ENPEP: variants seen among roughly 807,000 people sequenced by gnomAD.
ENPEP encodes the protein AP-A.
ENPEP carries 103 observed loss-of-function variants against 114.5 expected under a neutral mutation model. The observed-to-expected ratio is 0.90, with a 90% confidence interval of 0.77 to 1.06. ENPEP has a LOEUF of 1.06. Ranked by LOEUF, ENPEP falls within the 50% of genes least tolerant of loss-of-function variation. The probability of loss-of-function intolerance (pLI) is 0.00; values close to 1 mark genes in which losing one functional copy is unlikely to be tolerated. For synonymous variants in ENPEP, 420 were observed against 422.0 expected, an observed-to-expected ratio of 1.00 and a Z score of 0.06; for missense variants, 1,196 against 1,161.3, an observed-to-expected ratio of 1.03 and a Z score of -0.43.
intron 3 of ENPEP, among the ~76,000 whole-genome samples, chr4:110,502,896 G>T (rs997426145): frequency 4.0e-5 from 6 of 151,768 alleles, no homozygotes; most frequent in Admixed American, 6.6e-5. Flanking sequence ...CTTCTTATTC[G>T]ATGTTTTCTT....
At chr4:110,481,375 G>A (rs944343402) in intron 1 of ENPEP, among the ~76,000 whole-genome samples, 8 of 151,714 alleles carry the variant, frequency 5.3e-5, no homozygotes, top group African/African-American at 1.9e-4. Flanking sequence ...GGGATTACAG[G>A]GTTTTCAGAG....
intron 3 of ENPEP, among the ~76,000 whole-genome samples, chr4:110,492,642 C>T (rs572343461): frequency 2.0e-5 from 3 of 152,050 alleles, no homozygotes; most frequent in Admixed American, 6.5e-5. Context: ...AACCTTCAGT[C>T]GTGGTAAAGG....
intron 11 of ENPEP, among the ~76,000 whole-genome samples, chr4:110,542,116 T>C (rs1439556676): frequency 6.6e-6 from 1 of 152,074 alleles, no homozygotes; most frequent in Non-Finnish European, 1.5e-5. Context: ...CAAAGATAAA[T>C]AAATTGGAAG....
chr4:110,511,162 A>G (rs541355015), intron 6 of ENPEP, among the ~76,000 whole-genome samples: 3 of 152,338 alleles, frequency 2.0e-5, no homozygotes, highest in Admixed American at 6.5e-5. Context: ...TGGACAGAAC[A>G]AAAAAGTTAA....
At chr4:110,511,903 A>G (rs954389556) in intron 6 of ENPEP, among the ~76,000 whole-genome samples, 6 of 152,086 alleles carry the variant, frequency 3.9e-5, no homozygotes, top group African/African-American at 1.4e-4. Context: ...AGCTGGGACT[A>G]TAGGCCCTCG....
Position 110,515,392 on chromosome 4 carries a change from A to C in ENPEP, c.1459A>C (p.Arg487=), listed in dbSNP as rs1451792939. Residue 487 remains arginine (R), a synonymous_variant, in exon 8 of 20, where the codon AGA becomes CGA. Transcript: ENST00000265162. ...CCCATTGTAGGGATCTTCTATTTTGAGAATGCTTGAAGACTGGATAAAACC... is the reference window on the plus strand; with the variant it reads ...CCCATTGTAGGGATCTTCTATTTTGCGAATGCTTGAAGACTGGATAAAACC... ...ISYSKGSSIL[R]MLEDWIKPEN... is the part of the protein sequence containing the mutation. The C allele has an allele frequency of 6.2e-7, 1 of 1,601,760 alleles. No homozygotes were observed. Among genetic ancestry groups the C allele is most frequent in the Admixed American group, 1.8e-5 (1 of 56,296 alleles).
In ENPEP at chr4:110,519,933, G is replaced by C. The variant is rs961213901; in HGVS notation, c.1510-75G>C. ...AATGGAGGTAGAATTGAGTAGCAGG[G>C]GTTCAGTTCATCTTGTGAAAGTATG... On this transcript the variant is annotated intron_variant, in intron 8 of 19. Transcript: ENST00000265162. 6 of 1,330,848 alleles carry C rather than the reference G, an allele frequency of 4.5e-6. No individual in the cohort carries two copies. In the Admixed American group the frequency reaches 1.1e-4, roughly 23 times the overall value. The allele number at this position is 1,330,848 out of a possible 1,614,324, so 82.4% of individuals were successfully genotyped here.
At chr4:110,527,606 A>G (rs1171449216) in intron 10 of ENPEP, among the ~76,000 whole-genome samples, 2 of 152,184 alleles carry the variant, frequency 1.3e-5, no homozygotes, top group Non-Finnish European at 2.9e-5. Context: ...TCAGGTGATA[A>G]TTCAACTACG....
At chr4:110,510,104 G>A (rs1445674813) in intron 5 of ENPEP, 141 bp from the exon 6 acceptor site, 2 of 721,006 alleles carry the variant, frequency 2.8e-6, no homozygotes, top group South Asian at 1.9e-5. Context: ...AATAAAGCAG[G>A]AAATAAATGT....
intron 18 of ENPEP, among the ~76,000 whole-genome samples, chr4:110,554,069 G>T (rs1016463128): frequency 6.6e-6 from 1 of 151,914 alleles, no homozygotes; most frequent in Non-Finnish European, 1.5e-5. Flanking sequence ...TGCTGCTCTT[G>T]GTTCTGATAC....
At chr4:110,485,614 T>C (rs1724474326) in intron 1 of ENPEP, among the ~76,000 whole-genome samples, 1 of 152,176 alleles carries the variant, frequency 6.6e-6, no homozygotes, top group Admixed American at 6.5e-5. Context: ...GAATGTTTTT[T>C]CCCCCAGTGC....
chr4:110,485,211 T>C (rs1173385319), intron 1 of ENPEP, among the ~76,000 whole-genome samples: 1 of 152,208 alleles, frequency 6.6e-6, no homozygotes. Flanking sequence ...GAAACTTCAA[T>C]TGACTAAACT....
intron 17 of ENPEP, among the ~76,000 whole-genome samples, chr4:110,550,457 T>C (rs17041896): frequency 0.013 from 1,914 of 152,160 alleles, 53 homozygotes; most frequent in African/African-American, 0.043. Flanking sequence ...GGTAGAAGTC[T>C]GTTTTACCTA....
At chr4:110,509,078 T>C (rs1440772748) in intron 4 of ENPEP, among the ~76,000 whole-genome samples, 1 of 152,216 alleles carries the variant, frequency 6.6e-6, no homozygotes, top group Admixed American at 6.5e-5. Flanking sequence ...TAGAAACTCC[T>C]GTCCAACATT....
intron 3 of ENPEP, among the ~76,000 whole-genome samples, chr4:110,501,792 G>T (rs908922567): frequency 1.3e-5 from 2 of 152,136 alleles, no homozygotes; most frequent in African/African-American, 4.8e-5. Flanking sequence ...ATTTCCTTGG[G>T]TATATATATC....
intron 1 of ENPEP, among the ~76,000 whole-genome samples, chr4:110,478,432 A>C (rs1328384442): frequency 2.8e-5 from 1 of 36,148 alleles, no homozygotes; most frequent in East Asian, 4.9e-4. Flanking sequence ...TAATCAAAAT[A>C]ATCTGTAAAA....
chr4:110,495,346 G>A (rs1724886230), intron 3 of ENPEP, among the ~76,000 whole-genome samples: 1 of 152,156 alleles, frequency 6.6e-6, no homozygotes, highest in African/African-American at 2.4e-5. Flanking sequence ...TGCTTTCTGA[G>A]GTACAGTTGA....
chr4:110,556,874 T>C (rs1727492935), intron 18 of ENPEP, among the ~76,000 whole-genome samples: 1 of 152,226 alleles, frequency 6.6e-6, no homozygotes, highest in Non-Finnish European at 1.5e-5. Flanking sequence ...TACTCTGTGC[T>C]AGGCATTATG....
chr4:110,505,494 A>G (rs745546469), intron 3 of ENPEP, among the ~76,000 whole-genome samples: 1 of 152,190 alleles, frequency 6.6e-6, no homozygotes, highest in Non-Finnish European at 1.5e-5. Context: ...TGTTCTTTAT[A>G]TTCGTGAATC....
Sources: gnomAD v4.1 joint callset for allele counts (sites outside exome capture counted in the v4.1 genomes callset) on GRCh38, gnomAD v4.1.1 for gene constraint, MANE v1.5 for transcripts, NCBI Gene and HGNC (gene_info 2026-07-23, HGNC 2026-07-21) for gene names.